ADI1: variants seen among roughly 807,000 people sequenced by gnomAD.
ADI1 encodes acireductone dioxygenase 1, also known as acireductone dioxygenase.
ADI1 carries 21 observed loss-of-function variants against 18.7 expected under a neutral mutation model. The observed-to-expected ratio is 1.13, with a 90% confidence interval of 0.80 to 1.62. ADI1 has a LOEUF of 1.62. Among genes scored for constraint, ADI1 ranks in the 40% most tolerant of loss-of-function variants. ADI1 has a pLI of 0.00. For synonymous variants in ADI1, 90 were observed against 100.1 expected (o/e 0.90, Z 0.60); for missense variants, 245 against 254.9 (o/e 0.96, Z 0.26).
chr2:3,508,117 G>A (rs1027718949), intron 2 of ADI1, among the ~76,000 whole-genome samples: 11 of 151,786 alleles, frequency 7.2e-5, no homozygotes, highest in African/African-American at 2.2e-4. Context: ...GGTGGATTAC[G>A]AGGTCAGGAG....
chr2:3,509,726 GT>G (rs1667254127), intron 2 of ADI1, among the ~76,000 whole-genome samples: 1 of 151,916 alleles, frequency 6.6e-6, no homozygotes, highest in African/African-American at 2.4e-5. Flanking sequence ...CTAAACCCCC[GT>G]ACTAAGGAAA....
chr2:3,503,481 ACTCATG>A (rs1361049163), intron 2 of ADI1, among the ~76,000 whole-genome samples: 39 of 106,378 alleles, frequency 3.7e-4, no homozygotes, highest in African/African-American at 3.0e-3. Flanking sequence ...GTGCATTCAC[ACTCATG>A]CACACGTACA....
At chr2:3,516,125 G>T in intron 1 of ADI1, 2 of 868,516 alleles carry the variant, frequency 2.3e-6, no homozygotes, top group Non-Finnish European at 2.8e-6. Context: ...ATTAAGGGGT[G>T]GGACCTTTAG....
rs1666903557 is a variant in ADI1, at chr2:3,497,952, T to TA, written c.*1010dup. ...TCAGCACTTATTTTAATTACTGAGA[T>TA]AGAGTCACACTTGACAGAAGCAAGC... On this transcript the variant is annotated 3_prime_UTR_variant, in exon 4 of 4. Coordinates refer to ENST00000327435, the MANE Select transcript of ADI1 (RefSeq NM_018269.4). The TA allele has an allele frequency of 6.6e-6, 1 of 152,200 alleles. No homozygotes were observed. The highest frequency in any genetic ancestry group is 2.1e-4 in the South Asian group (1 of 4,834). 9.4% of individuals were successfully genotyped at this position (152,200 alleles called of 1,614,324 possible).
At chr2:3,514,888 G>C in intron 1 of ADI1, 1 of 1,540,702 alleles carries the variant, frequency 6.5e-7, no homozygotes, top group East Asian at 2.5e-5. Flanking sequence ...AGGAACATAA[G>C]TTTTGAAGAT....
intron 3 of ADI1, among the ~76,000 whole-genome samples, chr2:3,499,935 T>C (rs1164920593): frequency 1.3e-5 from 2 of 152,000 alleles, no homozygotes; most frequent in Admixed American, 1.3e-4. Flanking sequence ...CGTGGTGGTG[T>C]GCCCCAGTAA....
Position 3,500,532 on chromosome 2 carries a change from C to T in ADI1, c.420+282G>A, listed in dbSNP as rs1666973357. On this transcript the variant is annotated intron_variant, in intron 3 of 3. Transcript: ENST00000327435. Reference sequence around the variant, plus strand: ...AGGCTCGTGGGTGTGTACCTGCCGCCGCATGTACCTGCCGCCGCCTGTACC... The same window carrying T: ...AGGCTCGTGGGTGTGTACCTGCCGCTGCATGTACCTGCCGCCGCCTGTACC... 37 of 186,660 alleles carry T rather than the reference C, an allele frequency of 2.0e-4. No homozygotes were observed. In the South Asian group the frequency reaches 2.1e-3, roughly 11 times the overall value. 11.6% of individuals were successfully genotyped at this position (186,660 alleles called of 1,614,324 possible). A position where few individuals can be genotyped will look rare whatever the true frequency, so the allele number is the denominator to read the frequency against.
intron 3 of ADI1, 94 bp downstream of exon 3, chr2:3,500,720 G>A: frequency 6.5e-7 from 1 of 1,547,750 alleles, no homozygotes; most frequent in Non-Finnish European, 8.9e-7. Context: ...GACCGCGCTT[G>A]GAGTCTGCGG....
At chr2:3,519,230 C>A in intron 1 of ADI1, 138 bp downstream of exon 1, 2 of 1,244,474 alleles carry the variant, frequency 1.6e-6, no homozygotes, top group South Asian at 2.3e-5. Context: ...CGCCACGAAC[C>A]CCCAAATCCC....
At position 3,519,386 on chromosome 2, in the gene ADI1, G is replaced by C; in HGVS notation, c.102C>G (p.Leu34=). The C allele has an allele frequency of 7.0e-7, 1 of 1,428,514 alleles. No homozygotes were observed. The highest frequency in any genetic ancestry group is 9.1e-7 in the Non-Finnish European group (1 of 1,098,546). The allele number at this position is 1,428,514 out of a possible 1,614,324, so 88.5% of individuals were successfully genotyped here. ...CGCGTACCTTCCAGTAGAGCACCCC[G>C]AGCCGCCGCAGCTGCTCCAGGCCCA... ...RPVGLEQLRR[L]GVLYWKLDAD... The change falls in exon 1 of 4, where the codon CTC becomes CTG. Residue 34 remains leucine, a synonymous_variant. Transcript: ENST00000327435.
intron 2 of ADI1, among the ~76,000 whole-genome samples, chr2:3,503,618 C>T (rs2103204387): frequency 6.6e-6 from 1 of 152,340 alleles, no homozygotes; most frequent in Admixed American, 6.5e-5. Flanking sequence ...AGCGACTCTG[C>T]AGGGCACTCC....
intron 2 of ADI1, among the ~76,000 whole-genome samples, chr2:3,503,781 C>T (rs961921269): frequency 6.6e-6 from 1 of 152,196 alleles, no homozygotes; most frequent in Admixed American, 6.5e-5. Context: ...GCTAACGAGG[C>T]TGCTGCTTGC....
Position 3,506,356 on chromosome 2 carries a change from C to T in ADI1, c.241-5363G>A, listed in dbSNP as rs139560573. Among the ~76,000 whole-genome samples the T allele has an allele frequency of 9.2e-5, 14 of 152,284 alleles. No individual in the cohort carries two copies. The East Asian group carries it at 2.7e-3, about 29-fold the overall frequency. ...CTAACAAGCAATCATGGCAAGTTTGCAGGATACAGGGTTAATACACAAAAG... is the reference window on the plus strand; with the variant it reads ...CTAACAAGCAATCATGGCAAGTTTGTAGGATACAGGGTTAATACACAAAAG... On this transcript the variant is annotated intron_variant, in intron 2 of 3. Transcript: ENST00000327435.
At chr2:3,510,027 C>CA (rs1444075298) in intron 2 of ADI1, among the ~76,000 whole-genome samples, 1 of 151,654 alleles carries the variant, frequency 6.6e-6, no homozygotes, top group Non-Finnish European at 1.5e-5. Context: ...TCTGTAATCC[C>CA]AGCTACTCAG....
At position 3,513,832 on chromosome 2, in the gene ADI1, T is replaced by G. The variant is rs1489401811; in HGVS notation, c.240+25A>C. On this transcript the variant is annotated intron_variant, in intron 2 of 3. Coordinates refer to ENST00000327435, the MANE Select transcript of ADI1 (RefSeq NM_018269.4). ...GTAGTGAATATAATGATACTTCTTTTCCAGGTAATCCAGGGCTCCCTTACC... is the reference window on the plus strand; with the variant it reads ...GTAGTGAATATAATGATACTTCTTTGCCAGGTAATCCAGGGCTCCCTTACC... The G allele has an allele frequency of 2.5e-6, 4 of 1,576,804 alleles. No homozygotes were observed. In the Admixed American group the frequency reaches 8.1e-5, roughly 32 times the overall value.
In ADI1 at chr2:3,505,903, T is replaced by G. The variant is rs1020960439; in HGVS notation, c.241-4910A>C. On this transcript the variant is annotated intron_variant, in intron 2 of 3. Transcript: ENST00000327435. ...TTGCTTCTTCTACCCACCCACCATGTGAAAACACAGTCGTCTATAAACCAG... is the reference window on the plus strand; with the variant it reads ...TTGCTTCTTCTACCCACCCACCATGGGAAAACACAGTCGTCTATAAACCAG... 1.3e-5 allele frequency among the ~76,000 whole-genome samples: 2 copies of G among 152,220 alleles called. 1 individual carries two copies. The highest frequency in any genetic ancestry group is 4.8e-5 in the African/African-American group (2 of 41,460).
intron 2 of ADI1, among the ~76,000 whole-genome samples, chr2:3,505,194 A>G (rs969106900): frequency 1.3e-5 from 2 of 152,240 alleles, no homozygotes; most frequent in African/African-American, 4.8e-5. Context: ...ACTCCATCCT[A>G]TCAAGTAAAA....
chr2:3,507,533 C>A (rs988694194), intron 2 of ADI1, among the ~76,000 whole-genome samples: 2 of 151,922 alleles, frequency 1.3e-5, no homozygotes, highest in Non-Finnish European at 2.9e-5. Context: ...ACCAACCTAG[C>A]AATCTGTATC....
Position 3,511,974 on chromosome 2 carries a change from G to A in ADI1, c.240+1883C>T, listed in dbSNP as rs141382976. On this transcript the variant is annotated intron_variant, in intron 2 of 3. Transcript: ENST00000327435. ...CTTGAGAGTGATGCCTAGGGTATAT[G>A]GTAGAAGAAATTTCTAAGCACCAAA... 3.4e-3 allele frequency among the ~76,000 whole-genome samples: 515 copies of A among 152,322 alleles called. 2 individuals are homozygous for A. The highest frequency in any genetic ancestry group is 0.012 in the African/African-American group (493 of 41,570).
Sources: allele counts gnomAD v4.1 joint callset (sites outside exome capture counted in the v4.1 genomes callset), GRCh38; gene constraint gnomAD v4.1.1; transcripts MANE v1.5; gene names NCBI Gene and HGNC (gene_info 2026-07-23, HGNC 2026-07-21).